FHIT: variants seen among roughly 807,000 people sequenced by gnomAD.
FHIT encodes fragile histidine triad diadenosine triphosphatase.
FHIT carries 19 observed loss-of-function variants against 17.9 expected under a neutral mutation model. The ratio of observed to expected loss-of-function variants is 1.06; its 90% CI spans 0.74 to 1.56. The LOEUF (loss-of-function observed/expected upper bound fraction) is 1.56, where lower values mean the gene tolerates loss of function less well. Ranked by LOEUF, FHIT falls within the 40% of genes most tolerant of loss-of-function variation. The pLI, the probability that FHIT is intolerant of heterozygous loss-of-function variation, is 0.00. For synonymous variants in FHIT, 81 were observed against 69.7 expected (o/e 1.16, Z -0.81); for missense variants, 248 against 189.2 (o/e 1.31, Z -1.82).
chr3:60,975,173 A>G (rs1358795369), intron 3 of FHIT, among the ~76,000 whole-genome samples: 10 of 152,168 alleles, frequency 6.6e-5, no homozygotes, highest in Non-Finnish European at 1.2e-4. Context: ...ATGGCATTTA[A>G]TTAGGAGGAA....
chr3:60,287,177 A>AT (rs201630364), intron 5 of FHIT, among the ~76,000 whole-genome samples: 52 of 150,486 alleles, frequency 3.5e-4, no homozygotes, highest in South Asian at 8.5e-4. Context: ...TAAAATTTCC[A>AT]TTTTTTTTTC....
At chr3:61,007,916 G>A (rs558046376) in intron 3 of FHIT, among the ~76,000 whole-genome samples, 1 of 152,230 alleles carries the variant, frequency 6.6e-6, no homozygotes, top group South Asian at 2.1e-4. Context: ...GGAAGGGAAG[G>A]TACAAAAGTC....
chr3:60,499,375 C>T (rs901552252), intron 5 of FHIT, among the ~76,000 whole-genome samples: 1 of 152,126 alleles, frequency 6.6e-6, no homozygotes, highest in Admixed American at 6.5e-5. Context: ...CCCACTTCCT[C>T]ACCATGCTTC....
chr3:60,263,328 A>C (rs753148326), intron 5 of FHIT, among the ~76,000 whole-genome samples: 1 of 152,036 alleles, frequency 6.6e-6, no homozygotes, highest in Non-Finnish European at 1.5e-5. Flanking sequence ...CATGTGACTC[A>C]GTAATTCCAC....
At chr3:60,600,411 A>G (rs1184441418) in intron 4 of FHIT, among the ~76,000 whole-genome samples, 2 of 152,202 alleles carry the variant, frequency 1.3e-5, no homozygotes, top group Non-Finnish European at 2.9e-5. Context: ...AGAGTAAGGC[A>G]GGATTACAGA....
intron 7 of FHIT, among the ~76,000 whole-genome samples, chr3:59,987,061 TATC>T (rs1709010477): frequency 2.3e-5 from 3 of 133,322 alleles, no homozygotes; most frequent in Admixed American, 7.9e-5. Flanking sequence ...ATATAAAATA[TATC>T]TATATATATC....
At chr3:60,275,669 G>A (rs1707094811) in intron 5 of FHIT, among the ~76,000 whole-genome samples, 2 of 152,142 alleles carry the variant, frequency 1.3e-5, no homozygotes, top group South Asian at 4.2e-4. Flanking sequence ...CACAGTGGTT[G>A]GCACATAATA....
intron 5 of FHIT, among the ~76,000 whole-genome samples, chr3:60,045,028 C>T (rs1294512725): frequency 2.0e-5 from 3 of 151,800 alleles, no homozygotes; most frequent in Admixed American, 6.6e-5. Flanking sequence ...CCATATTGGC[C>T]ATCATAAAAA....
At chr3:60,268,625 C>T (rs1418139624) in intron 5 of FHIT, among the ~76,000 whole-genome samples, 4 of 152,156 alleles carry the variant, frequency 2.6e-5, no homozygotes, top group Admixed American at 6.5e-5. Context: ...CAGTATACAT[C>T]CTTGATTGTG....
At chr3:61,131,372 G>A (rs1013053409) in intron 2 of FHIT, among the ~76,000 whole-genome samples, 5 of 152,180 alleles carry the variant, frequency 3.3e-5, no homozygotes, top group Admixed American at 2.6e-4. Context: ...AGTCAAATTG[G>A]CAAAAAGGTG....
intron 3 of FHIT, among the ~76,000 whole-genome samples, chr3:60,881,464 TG>T (rs1704974420): frequency 5.9e-5 from 9 of 152,154 alleles, no homozygotes; most frequent in Admixed American, 5.9e-4. Flanking sequence ...ACATTTCAAC[TG>T]ACAGTGGCAG....
At chr3:60,072,187 G>C (rs1272082926) in intron 5 of FHIT, among the ~76,000 whole-genome samples, 1 of 152,148 alleles carries the variant, frequency 6.6e-6, no homozygotes, top group Non-Finnish European at 1.5e-5. Flanking sequence ...TGCTTGAAGA[G>C]AGACAAACAC....
At chr3:60,086,846 G>A (rs192214015) in intron 5 of FHIT, among the ~76,000 whole-genome samples, 1 of 152,154 alleles carries the variant, frequency 6.6e-6, no homozygotes, top group Non-Finnish European at 1.5e-5. Flanking sequence ...CCAGGTTGAG[G>A]TTACACACTG....
chr3:60,673,138 G>A (rs1629179), intron 4 of FHIT, among the ~76,000 whole-genome samples: 84,144 of 151,842 alleles, frequency 0.55, 25,081 homozygotes, highest in Non-Finnish European at 0.68. Context: ...AAATAAAGAC[G>A]GTTTAAAAAT....
chr3:60,589,528 A>G (rs1415553976), intron 4 of FHIT, among the ~76,000 whole-genome samples: 6 of 151,996 alleles, frequency 3.9e-5, no homozygotes, highest in African/African-American at 1.2e-4. Context: ...AAACATTTAG[A>G]CTTTTTCTAA....
chr3:59,820,541 T>G (rs1215763784), intron 8 of FHIT, among the ~76,000 whole-genome samples: 1 of 152,224 alleles, frequency 6.6e-6, no homozygotes, highest in Non-Finnish European at 1.5e-5. Context: ...AAATCAGACC[T>G]GCCACCTATT....
At chr3:59,886,685 A>G (rs930435702) in intron 8 of FHIT, among the ~76,000 whole-genome samples, 12 of 152,096 alleles carry the variant, frequency 7.9e-5, no homozygotes, top group African/African-American at 2.9e-4. Context: ...TAATCTATTC[A>G]TGATGGATCT....
rs1281567026 is a variant in FHIT, at chr3:60,019,415, C to CTTTTTTTTTTTTTTTT, written c.104-5279_104-5264dup. 6.6e-4 allele frequency among the ~76,000 whole-genome samples: 80 copies of CTTTTTTTTTTTTTTTT among 121,072 alleles called. 4 individuals carry two copies. The highest frequency in any genetic ancestry group is 2.1e-3 in the African/African-American group (68 of 32,524). The allele number at this position is 121,072 out of a possible 152,430, so 79.4% of individuals were successfully genotyped here. ...ATGGCATTTTAGAGTTGAGATGCTC[C>CTTTTTTTTTTTTTTTT]TTTTTTTTTTTTTTTTTCCTGAGAT... On this transcript the variant is annotated intron_variant, in intron 5 of 9. Transcript: ENST00000492590.
intron 2 of FHIT, among the ~76,000 whole-genome samples, chr3:61,123,164 T>G (rs1369094312): frequency 6.6e-6 from 1 of 152,148 alleles, no homozygotes; most frequent in South Asian, 2.1e-4. Flanking sequence ...TGGAATACGA[T>G]GCAGCCATAA....
Sources: gnomAD v4.1 joint callset for allele counts (sites outside exome capture counted in the v4.1 genomes callset) on GRCh38, gnomAD v4.1.1 for gene constraint, MANE v1.5 for transcripts, NCBI Gene and HGNC (gene_info 2026-07-23, HGNC 2026-07-21) for gene names.